The following DCHS2 variants were observed in gnomAD, a reference collection of about 807,000 sequenced individuals.
DCHS2 encodes the protein protocadherin-23.
A neutral mutation model predicts 182.4 loss-of-function variants in DCHS2; 142 were observed. The observed-to-expected ratio is 0.78, with a 90% CI of 0.68 to 0.89. The LOEUF (loss-of-function observed/expected upper bound fraction) is 0.89, where lower values mean the gene tolerates loss of function less well. DCHS2 is among the 40% of genes least tolerant of loss of function. The pLI is 0.00. For synonymous variants in DCHS2, 1,740 were observed against 1,663.3 expected, an observed-to-expected ratio of 1.05 and a Z score of -1.12; for missense variants, 4,319 against 4,198.6, an observed-to-expected ratio of 1.03 and a Z score of -0.79.
At chr4:154,437,335 A>G (rs1247213292) in intron 1 of DCHS2, among the ~76,000 whole-genome samples, 1 of 152,128 alleles carries the variant, frequency 6.6e-6, no homozygotes, top group Non-Finnish European at 1.5e-5. Context: ...TCCTACCACT[A>G]ACCACTCTCA....
rs189134705 is a variant in DCHS2, at chr4:154,291,928, A to T, written c.6463+5923T>A. On this transcript the variant is annotated intron_variant, in intron 13 of 19. Transcript: ENST00000357232. ...CCTACCGTCAACAATAATTTATTGT[A>T]CATGTAAAATTAGCTAAGAGTATAA... Among the ~76,000 whole-genome samples the T allele has an allele frequency of 9.9e-5, 15 of 152,272 alleles. No individual in the cohort carries two copies. The East Asian group carries it at 2.5e-3, about 26-fold the overall frequency.
intron 1 of DCHS2, among the ~76,000 whole-genome samples, chr4:154,414,642 T>C (rs6816500): frequency 0.017 from 2,520 of 152,238 alleles, 73 homozygotes; most frequent in African/African-American, 0.058. Context: ...GCTATCCAAC[T>C]ACAACTTCCC....
intron 3 of DCHS2, among the ~76,000 whole-genome samples, chr4:154,363,002 T>C (rs1365916147): frequency 6.6e-6 from 1 of 152,196 alleles, no homozygotes; most frequent in South Asian, 2.1e-4. Context: ...TCAGAAGTTA[T>C]GCACAGATTT....
rs957206467 is a variant in DCHS2, at chr4:154,298,486, C to T, written c.5828G>A (p.Arg1943Lys). The T allele has an allele frequency of 6.2e-7, 1 of 1,614,116 alleles. No individual in the cohort carries two copies. The highest frequency in any genetic ancestry group is 1.7e-5 in the Admixed American group (1 of 60,014). ...FPTLYYQSSV[R>K]EDAEVGTVVL... ...CACTGTTCCCACTTCAGCATCTTCT[C>T]TCACAGAGGACTGGTAATAAAGTGT... is the stretch of plus-strand genomic sequence containing the variant. The change falls in exon 13 of 20, where the codon AGA becomes AAA. Residue 1943 changes from arginine (R) to lysine (K), a missense_variant. By Grantham distance (26) the Arg-to-Lys change is conservative. Transcript: ENST00000357232.
intron 9 of DCHS2, among the ~76,000 whole-genome samples, chr4:154,316,875 T>A (rs1193734217): frequency 2.0e-5 from 3 of 152,214 alleles, no homozygotes; most frequent in Non-Finnish European, 4.4e-5. Flanking sequence ...TTTAAGCATA[T>A]AAACCACATA....
intron 1 of DCHS2, among the ~76,000 whole-genome samples, chr4:154,421,361 C>A (rs1457365105): frequency 1.5e-5 from 2 of 133,282 alleles, no homozygotes; most frequent in Non-Finnish European, 3.4e-5. Context: ...TTATTAGACC[C>A]TTCTCATCTG....
At position 154,291,520 on chromosome 4, in the gene DCHS2, A is replaced by G. The variant is rs550032011; in HGVS notation, c.6463+6331T>C. ...TATGTTTATTGCAGCACTGTTCACA[A>G]TAGCCAAGATTTGGAAGCAACTTAA... On this transcript the variant is annotated intron_variant, in intron 13 of 19. Transcript: ENST00000357232. Among the ~76,000 whole-genome samples the G allele has an allele frequency of 4.9e-4, 74 of 152,308 alleles. 1 individual carries two copies. Among genetic ancestry groups the G allele is most frequent in the Non-Finnish European group, 7.5e-4 (51 of 68,016 alleles).
chr4:154,402,744 C>A (rs1732242519), intron 1 of DCHS2, among the ~76,000 whole-genome samples: 1 of 152,072 alleles, frequency 6.6e-6, no homozygotes. Flanking sequence ...GGAAGGCGTG[C>A]TTTGTTTTGA....
At position 154,240,725 on chromosome 4, in the gene DCHS2, T is replaced by C. The variant is rs368267406; in HGVS notation, c.7171A>G (p.Thr2391Ala). Residue 2391 changes from threonine (T) to alanine (A), a missense_variant, in exon 18 of 20, where the codon ACC becomes GCC. Physicochemically the swap from Thr to Ala is moderately conservative, Grantham distance 58. Transcript: ENST00000357232. Reference protein sequence around the residue: ...FSFAKESNPGTKFAIDQNTGV... With the variant: ...FSFAKESNPGAKFAIDQNTGV... ...GTGTTCTGATCAATAGCAAACTTGG[T>C]TCCAGGATTACTCTCTTTGGCAAAA... 6.2e-7 allele frequency: 1 copy of C among 1,613,976 alleles called. No homozygotes were observed. Among genetic ancestry groups the C allele is most frequent in the South Asian group, 1.1e-5 (1 of 91,078 alleles).
rs1733216145 is a variant in DCHS2, at chr4:154,423,968, C to T, written c.2053-46524G>A. 2.0e-5 allele frequency among the ~76,000 whole-genome samples: 3 copies of T among 152,196 alleles called. No homozygotes were observed. The South Asian group carries it at 6.2e-4, about 32-fold the overall frequency. ...AGGGTCTTAAAATATCGTGGTTTAT[C>T]TTCTTCAAGCCTGCTGGCATTTTAG... On this transcript the variant is annotated intron_variant, in intron 1 of 19. Transcript: ENST00000357232.
intron 1 of DCHS2, among the ~76,000 whole-genome samples, chr4:154,460,494 G>T (rs1263645279): frequency 6.6e-6 from 1 of 152,130 alleles, no homozygotes; most frequent in Non-Finnish European, 1.5e-5. Context: ...TCTATAAAAT[G>T]GTTTAGTAAC....
chr4:154,418,065 A>G (rs1386818509), intron 1 of DCHS2, among the ~76,000 whole-genome samples: 1 of 152,206 alleles, frequency 6.6e-6, no homozygotes, highest in Non-Finnish European at 1.5e-5. Context: ...CTGAACAAAT[A>G]TTCTTATTTT....
chr4:154,236,668 G>C lies in DCHS2; in HGVS notation c.7984C>G (p.Pro2662Ala). ...SIQVLDVNDN[P>A]PNFSSLSYHT... ...TAGCTCAGGCTGCTGAAGTTTGGGG[G>C]ATTGTCATTGACATCAAGTACTTGT... Residue 2662 changes from proline to alanine, a missense_variant, in exon 20 of 20, where the codon CCC becomes GCC. Pro to Ala is a conservative substitution (Grantham distance 27, BLOSUM62 -1). Transcript: ENST00000357232. 6.2e-7 allele frequency: 1 copy of C among 1,614,042 alleles called. No individual in the cohort carries two copies. The highest frequency in any genetic ancestry group is 8.5e-7 in the Non-Finnish European group (1 of 1,179,958).
intron 3 of DCHS2, among the ~76,000 whole-genome samples, chr4:154,342,757 C>A (rs1443112493): frequency 1.3e-5 from 2 of 152,152 alleles, no homozygotes; most frequent in East Asian, 3.9e-4. Context: ...TCAAAGTCAT[C>A]TGTGAGGGTT....
chr4:154,483,940 A>G (rs1450407521), intron 1 of DCHS2, among the ~76,000 whole-genome samples: 2 of 152,088 alleles, frequency 1.3e-5, no homozygotes, highest in African/African-American at 4.8e-5. Flanking sequence ...CCAACCTTAC[A>G]TTCTCTCCTG....
At chr4:154,325,516 T>A (rs1446044326) in intron 7 of DCHS2, among the ~76,000 whole-genome samples, 2 of 152,072 alleles carry the variant, frequency 1.3e-5, no homozygotes, top group Admixed American at 1.3e-4. Flanking sequence ...AAAGCCAGTT[T>A]TTCTCCCACC....
intron 10 of DCHS2, among the ~76,000 whole-genome samples, chr4:154,311,340 T>C (rs985338543): frequency 2.0e-5 from 3 of 152,204 alleles, no homozygotes; most frequent in Non-Finnish European, 2.9e-5. Context: ...CAAGCCATCC[T>C]TCTACTTCAG....
At chr4:154,410,193 G>GA (rs149810201) in intron 1 of DCHS2, among the ~76,000 whole-genome samples, 4 of 151,674 alleles carry the variant, frequency 2.6e-5, no homozygotes, top group Non-Finnish European at 5.9e-5. Context: ...TAAATTGCCT[G>GA]AAAAAAAATT....
At chr4:154,268,230 T>C (rs28427231) in intron 14 of DCHS2, among the ~76,000 whole-genome samples, 56,081 of 147,020 alleles carry the variant, frequency 0.38, 10,850 homozygotes, top group East Asian at 0.5. Context: ...CCTTTCACTT[T>C]CCCCCCCCCA....
Sources: gnomAD v4.1 joint callset for allele counts (sites outside exome capture counted in the v4.1 genomes callset) on GRCh38, gnomAD v4.1.1 for gene constraint, MANE v1.5 for transcripts, NCBI Gene and HGNC (gene_info 2026-07-23, HGNC 2026-07-21) for gene names.